ARHGEF12: variants seen among roughly 807,000 people sequenced by gnomAD.
ARHGEF12 encodes the protein Rho guanine nucleotide exchange factor 12.
A neutral mutation model predicts 211.2 loss-of-function variants in ARHGEF12; 66 were observed. That is an observed-to-expected ratio of 0.31 (90% CI 0.26 to 0.38). The LOEUF (loss-of-function observed/expected upper bound fraction) is 0.38. Ranked by LOEUF, ARHGEF12 falls within the 10% of genes least tolerant of loss-of-function variation. ARHGEF12 has a pLI of 1.00. For missense variants in ARHGEF12, 1,429 were observed against 1,869.5 expected (o/e 0.76, Z 4.34); for synonymous variants, 592 against 638.4 (o/e 0.93, Z 1.09).
chr11:120,347,183 CCTTT>C (rs58396345), intron 1 of ARHGEF12, among the ~76,000 whole-genome samples: 2 of 100,224 alleles, frequency 2.0e-5, no homozygotes, highest in Admixed American at 1.1e-4. Context: ...TTCCTTCCTT[CCTTT>C]CTTTCTTTCT....
chr11:120,420,012 T>G (rs1489811791), intron 4 of ARHGEF12, among the ~76,000 whole-genome samples: 2 of 152,190 alleles, frequency 1.3e-5, no homozygotes, highest in Non-Finnish European at 2.9e-5. Context: ...CCTCTTTCTC[T>G]CACCTTGCCC....
At chr11:120,429,549 C>A (rs1309455027) in intron 9 of ARHGEF12, 32 bp downstream of exon 9, 1 of 1,603,936 alleles carries the variant, frequency 6.2e-7, no homozygotes, top group Admixed American at 1.7e-5. Context: ...TGTTTACAGG[C>A]CAATAAAAAT....
intron 11 of ARHGEF12, among the ~76,000 whole-genome samples, chr11:120,436,660 C>G (rs964516281): frequency 6.6e-6 from 1 of 152,118 alleles, no homozygotes; most frequent in South Asian, 2.1e-4. Flanking sequence ...ATCCCCTAGA[C>G]AATACAGTAT....
intron 29 of ARHGEF12, 33 bp downstream of exon 29, chr11:120,467,341 G>GAAC (rs763876023): frequency 7.3e-7 from 1 of 1,375,016 alleles, no homozygotes. Flanking sequence ...AAAAGCTTAA[G>GAAC]AACAACAACA....
intron 37 of ARHGEF12, among the ~76,000 whole-genome samples, chr11:120,478,689 T>C (rs1361681708): frequency 1.3e-5 from 2 of 152,202 alleles, no homozygotes; most frequent in African/African-American, 4.8e-5. Context: ...CACTTGAAAT[T>C]TTTAAACCAG....
At chr11:120,415,949 G>A (rs923628498) in intron 4 of ARHGEF12, among the ~76,000 whole-genome samples, 1 of 152,142 alleles carries the variant, frequency 6.6e-6, no homozygotes, top group East Asian at 1.9e-4. Flanking sequence ...TTGGGGAGAA[G>A]AAAAAATTGA....
chr11:120,385,316 T>A, intron 1 of ARHGEF12: 1 of 985,384 alleles, frequency 1.0e-6, no homozygotes, highest in African/African-American at 1.7e-5. Context: ...CCTCTTGTGG[T>A]CAGTAAAATC....
intron 1 of ARHGEF12, among the ~76,000 whole-genome samples, chr11:120,402,851 A>C (rs559975262): frequency 6.6e-6 from 1 of 152,374 alleles, no homozygotes; most frequent in Non-Finnish European, 1.5e-5. Context: ...TGACGACACA[A>C]AACTTTCTGG....
rs1946388072 is a variant in ARHGEF12 at position 120,457,171 on chromosome 11, C to CTA, written c.2110_2111insTA (p.Pro704LeufsTer16). 6.2e-7 allele frequency: 1 copy of CTA among 1,613,938 alleles called. No individual in the cohort carries two copies. On this transcript the variant is annotated frameshift_variant, in exon 23 of 41. Transcript: ENST00000397843. LOFTEE classifies it high-confidence loss of function. Reference sequence around the variant, plus strand: ...ACCTGGAGACACCTTAGATGGCACACCTCGTACTCTCAATACTGTCTTTGA... The same window carrying CTA: ...ACCTGGAGACACCTTAGATGGCACACTACTCGTACTCTCAATACTGTCTTTGA...
intron 1 of ARHGEF12, among the ~76,000 whole-genome samples, chr11:120,401,947 T>C (rs1340906293): frequency 6.6e-6 from 1 of 152,238 alleles, no homozygotes; most frequent in Non-Finnish European, 1.5e-5. Context: ...GATTTTATTT[T>C]TGTTTTTCTT....
chr11:120,474,550 A>G lies in ARHGEF12; in HGVS notation c.3034-10A>G. On this transcript the variant is annotated splice_polypyrimidine_tract_variant and intron_variant, in intron 31 of 40. Transcript: ENST00000397843. ...AAATTATTTGTGCATGATTTTCTTT[A>G]TTTTGCCAGAATTTGGATTTAACAA... The G allele has an allele frequency of 6.2e-7, 1 of 1,606,724 alleles. No individual in the cohort carries two copies. The highest frequency in any genetic ancestry group is 8.5e-7 in the Non-Finnish European group (1 of 1,175,828).
chr11:120,472,032 A>C, intron 30 of ARHGEF12, among the ~76,000 whole-genome samples: 1 of 152,244 alleles, frequency 6.6e-6, no homozygotes, highest in Non-Finnish European at 1.5e-5. Flanking sequence ...GTTTATTCAG[A>C]GAGTTTTACA....
intron 1 of ARHGEF12, among the ~76,000 whole-genome samples, chr11:120,344,961 C>A (rs1018437179): frequency 6.6e-6 from 1 of 151,928 alleles, no homozygotes; most frequent in Non-Finnish European, 1.5e-5. Flanking sequence ...CCCTTTTTTT[C>A]CTTTCTTTCA....
chr11:120,434,956 G>A (rs1014260755), intron 11 of ARHGEF12, among the ~76,000 whole-genome samples: 20 of 151,918 alleles, frequency 1.3e-4, no homozygotes, highest in Admixed American at 1.2e-3. Context: ...TAAATCCAAG[G>A]CATTCGTTTA....
chr11:120,350,631 ACTGT>A (rs66934003), intron 1 of ARHGEF12, among the ~76,000 whole-genome samples: 27,245 of 152,006 alleles, frequency 0.18, 2,780 homozygotes, highest in Non-Finnish European at 0.22. Context: ...TCTATCACAT[ACTGT>A]CTTTTTATGT....
chr11:120,459,181 C>T lies in ARHGEF12; in HGVS notation c.2388C>T (p.Phe796=), dbSNP rs747196033. The T allele has an allele frequency of 6.2e-7, 1 of 1,610,912 alleles. No homozygotes were observed. Among genetic ancestry groups the T allele is most frequent in the East Asian group, 2.2e-5 (1 of 44,682 alleles). ...IKRQEVINEL[F]YTERAHVRTL... ...TATCTCTTTCCTGTTCAGAATTGTT[C>T]TACACTGAAAGAGCTCATGTTCGAA... Residue 796 remains phenylalanine (F), a synonymous_variant, in exon 26 of 41, where the codon TTC becomes TTT. Coordinates refer to ENST00000397843, the MANE Select transcript of ARHGEF12 (RefSeq NM_015313.3).
intron 38 of ARHGEF12, 131 bp downstream of exon 38, chr11:120,480,561 T>C: frequency 1.1e-6 from 1 of 888,600 alleles, no homozygotes; most frequent in Non-Finnish European, 1.7e-6. Context: ...GCAATATTTA[T>C]TCCTTCATTT....
chr11:120,428,435 G>A (rs1945418810), intron 8 of ARHGEF12, among the ~76,000 whole-genome samples, 188 bp downstream of exon 8: 1 of 152,158 alleles, frequency 6.6e-6, no homozygotes, highest in Non-Finnish European at 1.5e-5. Flanking sequence ...AATTTAACAA[G>A]TATTAGACAC....
chr11:120,364,432 C>T (rs569295389), intron 1 of ARHGEF12, among the ~76,000 whole-genome samples: 1 of 152,198 alleles, frequency 6.6e-6, no homozygotes, highest in South Asian at 2.1e-4. Context: ...AATGTTTAAA[C>T]TTTTTGAATT....
Sources: gnomAD v4.1 joint callset for allele counts (sites outside exome capture counted in the v4.1 genomes callset) on GRCh38, gnomAD v4.1.1 for gene constraint, MANE v1.5 for transcripts, NCBI Gene and HGNC (gene_info 2026-07-23, HGNC 2026-07-21) for gene names.